Variants in TBC1D5 observed in about 807,000 individuals in gnomAD.
TBC1D5 encodes TBC1 domain family, member 5.
A neutral mutation model predicts 100.3 loss-of-function variants in TBC1D5; 75 were observed. That is an observed-to-expected ratio of 0.75 (90% CI 0.62 to 0.91). The LOEUF is 0.91. Ranked by LOEUF, TBC1D5 falls within the 40% of genes least tolerant of loss-of-function variation. TBC1D5 has a pLI of 0.00. For synonymous variants in TBC1D5, 323 were observed against 325.6 expected, an observed-to-expected ratio of 0.99 and a Z score of 0.09; for missense variants, 910 against 942.4, an observed-to-expected ratio of 0.97 and a Z score of 0.45.
At chr3:17,519,861 T>C (rs1442521063) in intron 2 of TBC1D5, among the ~76,000 whole-genome samples, 1 of 152,174 alleles carries the variant, frequency 6.6e-6, no homozygotes, top group Non-Finnish European at 1.5e-5. Context: ...AACTATGCCA[T>C]AAATAAGACC....
At chr3:17,635,648 A>G (rs1242136164) in intron 1 of TBC1D5, among the ~76,000 whole-genome samples, 4 of 152,128 alleles carry the variant, frequency 2.6e-5, no homozygotes, top group Admixed American at 6.5e-5. Flanking sequence ...CCACTGCTCC[A>G]GCCTGGGCAA....
intron 13 of TBC1D5, among the ~76,000 whole-genome samples, chr3:17,316,134 C>T (rs2084669264): frequency 6.6e-6 from 1 of 152,110 alleles, no homozygotes; most frequent in Non-Finnish European, 1.5e-5. Context: ...TTGCCATTGC[C>T]CATTTGCATG....
At chr3:17,531,211 T>G (rs561634686) in intron 2 of TBC1D5, among the ~76,000 whole-genome samples, 1 of 152,178 alleles carries the variant, frequency 6.6e-6, no homozygotes, top group African/African-American at 2.4e-5. Flanking sequence ...GAGAGCCAAG[T>G]CATGAGTGAA....
intron 2 of TBC1D5, among the ~76,000 whole-genome samples, chr3:17,578,428 T>C (rs1422099029): frequency 2.0e-5 from 3 of 152,128 alleles, no homozygotes; most frequent in African/African-American, 7.2e-5. Flanking sequence ...TGAAAGAACA[T>C]GAACTTAAAC....
chr3:17,675,853 G>C (rs996640071), intron 1 of TBC1D5, among the ~76,000 whole-genome samples: 1 of 151,974 alleles, frequency 6.6e-6, no homozygotes, highest in Non-Finnish European at 1.5e-5. Flanking sequence ...TTTACGATTT[G>C]GAATGATTGA....
chr3:17,564,308 T>G (rs1162077728), intron 2 of TBC1D5, among the ~76,000 whole-genome samples: 2 of 152,220 alleles, frequency 1.3e-5, no homozygotes, highest in Non-Finnish European at 2.9e-5. Context: ...TTCTCTTTCA[T>G]GATAGCCATA....
chr3:17,364,889 T>C (rs960255002), intron 13 of TBC1D5, among the ~76,000 whole-genome samples: 2 of 152,202 alleles, frequency 1.3e-5, no homozygotes, highest in African/African-American at 4.8e-5. Context: ...GTGCCAGGTA[T>C]TGTACTCTAT....
chr3:17,401,337 A>ATGTATG lies in TBC1D5; in HGVS notation c.509+1843_509+1844insCATACA, dbSNP rs1553729289. Among the ~76,000 whole-genome samples, 9 of 21,808 alleles carry ATGTATG rather than the reference A, an allele frequency of 4.1e-4. No homozygotes were observed. In the African/African-American group the frequency reaches 5.4e-3, roughly 13 times the overall value. The allele number at this position is 21,808 out of a possible 152,430, so 14.3% of individuals were successfully genotyped here. A position where few individuals can be genotyped will look rare whatever the true frequency, so the allele number is the denominator to read the frequency against. Reference sequence around the variant, plus strand: ...ATATGTATGTGTATAATATACATATATGTATAATATACATATATATGTATG... The same window carrying ATGTATG: ...ATATGTATGTGTATAATATACATATATGTATGTGTATAATATACATATATATGTATG... On this transcript the variant is annotated intron_variant, in intron 8 of 21. Transcript: ENST00000253692.
chr3:17,550,613 C>T (rs2096464198), intron 2 of TBC1D5, among the ~76,000 whole-genome samples: 1 of 150,882 alleles, frequency 6.6e-6, no homozygotes, highest in Admixed American at 6.6e-5. Flanking sequence ...GTAAGAAGCA[C>T]TCTAATCTAC....
At chr3:17,403,805 A>G (rs1005948784) in intron 7 of TBC1D5, among the ~76,000 whole-genome samples, 1 of 152,118 alleles carries the variant, frequency 6.6e-6, no homozygotes, top group Non-Finnish European at 1.5e-5. Flanking sequence ...TATATTCTCA[A>G]AATTTTTATT....
chr3:17,357,450 T>C (rs1388182675), intron 13 of TBC1D5, among the ~76,000 whole-genome samples: 1 of 152,028 alleles, frequency 6.6e-6, no homozygotes, highest in Non-Finnish European at 1.5e-5. Flanking sequence ...AAAATAATGA[T>C]AGGATTTGGC....
intron 2 of TBC1D5, among the ~76,000 whole-genome samples, chr3:17,538,634 C>T (rs1334186660): frequency 6.6e-6 from 1 of 152,228 alleles, no homozygotes; most frequent in Non-Finnish European, 1.5e-5. Context: ...AAAATTCTTT[C>T]CTCCAAGGAG....
At chr3:17,490,451 G>A (rs2095624769) in intron 3 of TBC1D5, among the ~76,000 whole-genome samples, 1 of 152,050 alleles carries the variant, frequency 6.6e-6, no homozygotes, top group Non-Finnish European at 1.5e-5. Flanking sequence ...TTTTCTTCCA[G>A]AGTTTTCACA....
chr3:17,564,562 A>G (rs2096581991), intron 2 of TBC1D5, among the ~76,000 whole-genome samples: 1 of 152,168 alleles, frequency 6.6e-6, no homozygotes, highest in Non-Finnish European at 1.5e-5. Flanking sequence ...ATAAATTTGA[A>G]CTGATTCTTG....
intron 19 of TBC1D5, among the ~76,000 whole-genome samples, chr3:17,176,625 G>C (rs1388209862): frequency 6.6e-6 from 1 of 152,086 alleles, no homozygotes; most frequent in East Asian, 1.9e-4. Flanking sequence ...ACAGGGAGGG[G>C]AACATCATAC....
intron 13 of TBC1D5, among the ~76,000 whole-genome samples, chr3:17,343,256 T>A (rs1428963171): frequency 6.6e-6 from 1 of 152,140 alleles, no homozygotes; most frequent in South Asian, 2.1e-4. Context: ...TCTGTTTATA[T>A]GCTGTATTAC....
intron 3 of TBC1D5, among the ~76,000 whole-genome samples, chr3:17,460,408 C>G (rs1259992150): frequency 2.0e-5 from 3 of 152,158 alleles, no homozygotes; most frequent in Non-Finnish European, 4.4e-5. Flanking sequence ...ATTCCTATTT[C>G]TGTAGCTAAT....
chr3:17,741,190 T>C (rs1007627760), upstream of TBC1D5, among the ~76,000 whole-genome samples: 3 of 152,240 alleles, frequency 2.0e-5, no homozygotes, highest in African/African-American at 4.8e-5. Flanking sequence ...AAATGCACCA[T>C]AGGCCTACTG....
At chr3:17,637,952 AAC>A (rs2064117695) in intron 1 of TBC1D5, among the ~76,000 whole-genome samples, 1 of 152,196 alleles carries the variant, frequency 6.6e-6, no homozygotes, top group Non-Finnish European at 1.5e-5. Context: ...AAACAATCTA[AAC>A]AGTTACTATT....
Sources: gnomAD v4.1 joint callset for allele counts (sites outside exome capture counted in the v4.1 genomes callset) on GRCh38, gnomAD v4.1.1 for gene constraint, MANE v1.5 for transcripts, NCBI Gene and HGNC (gene_info 2026-07-23, HGNC 2026-07-21) for gene names.